Variants in LHFPL1 observed in about 807,000 individuals in gnomAD.
The protein encoded by LHFPL1 is LHFPL tetraspan subfamily member 1.
In LHFPL1, 4 loss-of-function variants were observed where a neutral mutation model predicts 12.1. That is an observed-to-expected ratio of 0.33 (90% CI 0.16 to 0.76). The LOEUF (loss-of-function observed/expected upper bound fraction) is 0.76. LHFPL1 is among the 30% of genes least tolerant of loss of function. The probability of loss-of-function intolerance (pLI) is 0.61; values close to 1 mark genes in which losing one functional copy is unlikely to be tolerated. For synonymous variants in LHFPL1, 52 were observed against 61.9 expected (o/e 0.84, Z 0.75); for missense variants, 141 against 174.1 (o/e 0.81, Z 1.07).
At chrX:112,667,381 C>T (rs746091216) in intron 2 of LHFPL1, among the ~76,000 whole-genome samples, 22 of 111,996 alleles carry the variant, frequency 2.0e-4, no homozygotes, top group African/African-American at 6.5e-4. Flanking sequence ...AACCTTACAC[C>T]TGTTGTTGTG....
chrX:112,669,414 G>C (rs1306350403), intron 2 of LHFPL1, among the ~76,000 whole-genome samples: 1 of 112,650 alleles, frequency 8.9e-6, no homozygotes, highest in Non-Finnish European at 1.9e-5. Flanking sequence ...AGTTTTCAAA[G>C]GGAAGAAACT....
At chrX:112,641,309 C>T (rs1294290738) in intron 3 of LHFPL1, among the ~76,000 whole-genome samples, 1 of 111,651 alleles carries the variant, frequency 9.0e-6, no homozygotes, top group East Asian at 2.8e-4. Context: ...TTTATTCATT[C>T]GTCAAGTCCC....
In LHFPL1 at chrX:112,671,277, C is replaced by A. The variant is rs1475868340; in HGVS notation, c.114G>T (p.Met38Ile). The change falls in exon 2 of 4, where the codon ATG becomes ATT. Residue 38 changes from methionine to isoleucine, a missense_variant. Met to Ile is a conservative substitution (Grantham distance 10). Transcript: ENST00000371968. ...ATGTGCTGAATGACACTGGCTTCCC[C>A]ATCTGGGATCCAAAGAGCCAGTAAG... ...FLPYWLFGSQ[M>I]GKPVSFSTFR... 6 of 1,212,128 alleles carry A rather than the reference C, an allele frequency of 4.9e-6. No homozygotes were observed. The highest frequency in any genetic ancestry group is 6.7e-6 in the Non-Finnish European group (6 of 895,625).
chrX:112,654,880 A>C (rs971304265), intron 3 of LHFPL1, among the ~76,000 whole-genome samples: 3 of 111,622 alleles, frequency 2.7e-5, no homozygotes, highest in Non-Finnish European at 5.6e-5. Context: ...AATTGTTCAG[A>C]GCTCAGGTGG....
At chrX:112,650,553 C>A (rs751213040) in intron 3 of LHFPL1, among the ~76,000 whole-genome samples, 1 of 110,731 alleles carries the variant, frequency 9.0e-6, no homozygotes, top group East Asian at 2.8e-4. Flanking sequence ...TTGGTTACAC[C>A]TTCTTTTTTG....
chrX:112,678,856 T>G (rs1453564108), intron 1 of LHFPL1, among the ~76,000 whole-genome samples: 1 of 112,057 alleles, frequency 8.9e-6, no homozygotes, highest in African/African-American at 3.3e-5. Flanking sequence ...AGTCACAATT[T>G]TGGAATCAGA....
intron 1 of LHFPL1, among the ~76,000 whole-genome samples, chrX:112,675,993 T>C (rs1931644466): frequency 8.9e-6 from 1 of 112,355 alleles, no homozygotes; most frequent in Non-Finnish European, 1.9e-5. Context: ...TAATAGCTTC[T>C]GAACACAATA....
chrX:112,659,321 G>A (rs985752806), intron 3 of LHFPL1, among the ~76,000 whole-genome samples: 11 of 111,152 alleles, frequency 9.9e-5, no homozygotes, highest in Admixed American at 1.9e-4. Flanking sequence ...TTAGTTGGGC[G>A]TAGTGGCGCG....
chrX:112,664,780 G>A (rs1237757593), intron 2 of LHFPL1, among the ~76,000 whole-genome samples: 4 of 111,948 alleles, frequency 3.6e-5, no homozygotes, highest in African/African-American at 1.3e-4. Flanking sequence ...TTTGTCTCCA[G>A]CAGTTCTCAT....
intron 1 of LHFPL1, among the ~76,000 whole-genome samples, chrX:112,678,015 C>A (rs1931702258): frequency 9.1e-6 from 1 of 110,084 alleles, no homozygotes; most frequent in Admixed American, 9.8e-5. Flanking sequence ...GGTGGGAATG[C>A]TCACAAGCAG....
chrX:112,656,276 A>C (rs1195226392), intron 3 of LHFPL1, among the ~76,000 whole-genome samples: 6 of 111,696 alleles, frequency 5.4e-5, no homozygotes, highest in Non-Finnish European at 9.4e-5. Flanking sequence ...TGATTATCTC[A>C]GTAAATGAAG....
intron 3 of LHFPL1, among the ~76,000 whole-genome samples, chrX:112,654,460 G>A (rs367984753): frequency 9.0e-5 from 10 of 110,925 alleles, no homozygotes; most frequent in African/African-American, 2.9e-4. Context: ...ATGAATAAGC[G>A]AAAAACGCAA....
chrX:112,669,901 C>G (rs933375059), intron 2 of LHFPL1, among the ~76,000 whole-genome samples: 1 of 111,909 alleles, frequency 8.9e-6, no homozygotes, highest in Non-Finnish European at 1.9e-5. Context: ...TGCCATCTCA[C>G]TCCAAGGCCA....
chrX:112,672,398 C>A (rs1337488722), intron 1 of LHFPL1, among the ~76,000 whole-genome samples: 2 of 111,015 alleles, frequency 1.8e-5, no homozygotes, highest in African/African-American at 6.6e-5. Flanking sequence ...TTTCACAGAC[C>A]CCTCTGTCAA....
At position 112,671,334 on chromosome X, in the gene LHFPL1, A is replaced by G; in HGVS notation, c.57T>C (p.Thr19=). The G allele has an allele frequency of 8.3e-7, 1 of 1,212,005 alleles. No individual in the cohort carries two copies. The highest frequency in any genetic ancestry group is 1.1e-6 in the Non-Finnish European group (1 of 895,434). ...AGTAACTGGTAGAACTGGTCACAGC[A>G]GTAACAAGGGACAGGAAGGCCCAGA... The part of the protein sequence containing the change: ...GTLWAFLSLV[T]AVTSSTSYFL... Residue 19 remains threonine (T), a synonymous_variant, in exon 2 of 4, where the codon ACT becomes ACC. Coordinates refer to ENST00000371968, the MANE Select transcript of LHFPL1 (RefSeq NM_178175.4).
chrX:112,665,303 G>A lies in LHFPL1; in HGVS notation c.383-4578C>T, dbSNP rs754306216. On this transcript the variant is annotated intron_variant, in intron 2 of 3. Transcript: ENST00000371968. The stretch of plus-strand genomic sequence containing the variant: ...CCTCCCAGGTTCAAGCGATTCTCCC[G>A]TCTCAGCTTCCCTAGTAGCTGGGAT... 1.9e-3 allele frequency among the ~76,000 whole-genome samples: 207 copies of A among 109,428 alleles called. 2 individuals are homozygous for A. The highest frequency in any genetic ancestry group is 3.4e-3 in the Non-Finnish European group (181 of 52,607).
intron 1 of LHFPL1, among the ~76,000 whole-genome samples, chrX:112,677,308 G>A (rs1461281497): frequency 1.8e-5 from 2 of 111,234 alleles, no homozygotes; most frequent in Non-Finnish European, 3.8e-5. Flanking sequence ...GTAAGAAAGG[G>A]AGTCAGTGAC....
At chrX:112,666,551 T>C (rs900498329) in intron 2 of LHFPL1, among the ~76,000 whole-genome samples, 13 of 111,608 alleles carry the variant, frequency 1.2e-4, no homozygotes, top group African/African-American at 3.6e-4. Context: ...GGAATCATGA[T>C]AGTGAATGAT....
At chrX:112,664,436 G>T (rs957544021) in intron 2 of LHFPL1, among the ~76,000 whole-genome samples, 6 of 111,936 alleles carry the variant, frequency 5.4e-5, no homozygotes, top group Admixed American at 9.5e-5. Context: ...CCTGAACAGG[G>T]CTTGATTCAA....
Sources: gnomAD v4.1 joint callset for allele counts (sites outside exome capture counted in the v4.1 genomes callset) on GRCh38, gnomAD v4.1.1 for gene constraint, MANE v1.5 for transcripts, NCBI Gene and HGNC (gene_info 2026-07-23, HGNC 2026-07-21) for gene names.